Variants in SBF2 observed in about 807,000 individuals in gnomAD.
SBF2 encodes myotubularin-related protein 13.
SBF2 carries 112 observed loss-of-function variants against 225.2 expected under a neutral mutation model. The ratio of observed to expected loss-of-function variants is 0.50; its 90% CI spans 0.43 to 0.58. The LOEUF (loss-of-function observed/expected upper bound fraction) is 0.58. Among genes scored for constraint, SBF2 ranks in the 20% least tolerant of loss-of-function variants. The probability of loss-of-function intolerance (pLI) is 0.00; values close to 1 mark genes in which losing one functional copy is unlikely to be tolerated. For missense variants in SBF2, 1,996 were observed against 2,206.2 expected, an observed-to-expected ratio of 0.90 and a Z score of 1.91; for synonymous variants, 763 against 773.3, an observed-to-expected ratio of 0.99 and a Z score of 0.22.
At chr11:10,096,025 G>A (rs1952004937) in intron 2 of SBF2, among the ~76,000 whole-genome samples, 1 of 152,026 alleles carries the variant, frequency 6.6e-6, no homozygotes, top group African/African-American at 2.4e-5. Context: ...CACAACCAGT[G>A]AACTATTTCA....
intron 17 of SBF2, among the ~76,000 whole-genome samples, chr11:9,886,297 T>A (rs1860294876): frequency 6.6e-6 from 1 of 152,222 alleles, no homozygotes; most frequent in African/African-American, 2.4e-5. Context: ...TTCACATGAT[T>A]CTCCTGTGCT....
intron 16 of SBF2, among the ~76,000 whole-genome samples, chr11:9,942,178 C>G (rs927501192): frequency 4.6e-5 from 7 of 152,154 alleles, no homozygotes; most frequent in Non-Finnish European, 1.0e-4. Flanking sequence ...AGTGATTCTC[C>G]CATCTCAGCC....
chr11:10,066,826 ATCTACAAAGAGTGGAC>A (rs1475307155), intron 2 of SBF2, among the ~76,000 whole-genome samples: 10 of 152,202 alleles, frequency 6.6e-5, no homozygotes, highest in Non-Finnish European at 1.3e-4. Flanking sequence ...ACAGAGAAAA[ATCTACAAAGAGTGGAC>A]TCTACAAAGA....
At chr11:9,953,821 T>G (rs1409533349) in intron 16 of SBF2, among the ~76,000 whole-genome samples, 1 of 152,190 alleles carries the variant, frequency 6.6e-6, no homozygotes, top group Non-Finnish European at 1.5e-5. Flanking sequence ...GTTTGTAATT[T>G]TCTGAGATCT....
chr11:10,223,905 C>G (rs1958442058), intron 1 of SBF2, among the ~76,000 whole-genome samples: 1 of 152,056 alleles, frequency 6.6e-6, no homozygotes, highest in Non-Finnish European at 1.5e-5. Context: ...GAGGCAGCTA[C>G]AAAATTATTA....
rs74782036 is a variant in SBF2, at chr11:10,185,957, A to C, written c.141+7945T>G. Reference sequence around the variant, plus strand: ...TTTGATTCAATCCTTTTCACTCTCAAAAACATTCTGGTTTGAATAAGACAC... The same window carrying C: ...TTTGATTCAATCCTTTTCACTCTCACAAACATTCTGGTTTGAATAAGACAC... On this transcript the variant is annotated intron_variant, in intron 2 of 39. Coordinates refer to ENST00000256190, the MANE Select transcript of SBF2 (RefSeq NM_030962.4). Among the ~76,000 whole-genome samples the C allele has an allele frequency of 7.8e-3, 1,190 of 152,224 alleles. 12 individuals are homozygous for C. The highest frequency in any genetic ancestry group is 0.028 in the African/African-American group (1,143 of 41,518).
At chr11:9,871,461 A>G (rs1564937680) in intron 17 of SBF2, among the ~76,000 whole-genome samples, 3 of 132,632 alleles carry the variant, frequency 2.3e-5, no homozygotes, top group South Asian at 2.5e-4. Context: ...CACACCAGAC[A>G]GGATGACGCT....
chr11:9,921,988 G>A (rs1863667919), intron 16 of SBF2, among the ~76,000 whole-genome samples: 1 of 152,222 alleles, frequency 6.6e-6, no homozygotes, highest in South Asian at 2.1e-4. Flanking sequence ...GTTCATGTCT[G>A]TAATCCTAGT....
intron 2 of SBF2, among the ~76,000 whole-genome samples, chr11:10,137,297 G>A (rs988228971): frequency 1.1e-4 from 16 of 152,102 alleles, no homozygotes; most frequent in Admixed American, 9.2e-4. Flanking sequence ...GTGTTTTTGT[G>A]TACTCTTTGG....
chr11:10,063,856 C>G (rs531093543), intron 2 of SBF2, among the ~76,000 whole-genome samples: 32,784 of 124,468 alleles, frequency 0.26, 4,083 homozygotes, highest in Non-Finnish European at 0.33. Context: ...CACACACACA[C>G]ACAGAGAGAG....
At position 10,272,235 on chromosome 11, in the gene SBF2, C is replaced by T. The variant is rs1345443379; in HGVS notation, c.55+21780G>A. On this transcript the variant is annotated intron_variant, in intron 1 of 39. Coordinates refer to ENST00000256190, the MANE Select transcript of SBF2 (RefSeq NM_030962.4). Reference sequence around the variant, plus strand: ...AGCTGCTCTACCAAGAGCTGCAGGGCGCTCGCGCTAGCCCCGGAGGACATG... The same window carrying T: ...AGCTGCTCTACCAAGAGCTGCAGGGTGCTCGCGCTAGCCCCGGAGGACATG... The T allele has an allele frequency of 1.4e-5, 15 of 1,052,522 alleles. 4 individuals are homozygous for T. In the East Asian group the frequency reaches 1.4e-4, roughly 10 times the overall value. The allele number at this position is 1,052,522 out of a possible 1,614,324, so 65.2% of individuals were successfully genotyped here.
intron 25 of SBF2, among the ~76,000 whole-genome samples, 166 bp from the exon 26 acceptor site, chr11:9,839,862 G>A (rs1272178186): frequency 6.6e-6 from 1 of 152,180 alleles, no homozygotes; most frequent in Admixed American, 6.5e-5. Flanking sequence ...GGTAGTACCT[G>A]TGGGGAGCTC....
At position 9,799,498 on chromosome 11, in the gene SBF2, A is replaced by G. The variant is rs1166467535; in HGVS notation, c.4444-3541T>C. On this transcript the variant is annotated intron_variant, in intron 32 of 39. Transcript: ENST00000256190. ...TCAGGTCTACTGGAAGTGGAAGAGA[A>G]GATGCAGAGCAATTTGTTTTTTACT... is the stretch of plus-strand genomic sequence containing the variant. 3.3e-5 allele frequency among the ~76,000 whole-genome samples: 5 copies of G among 152,244 alleles called. No homozygotes were observed. In the South Asian group the frequency reaches 8.3e-4, roughly 25 times the overall value.
chr11:9,911,085 C>T (rs902432068), intron 16 of SBF2, among the ~76,000 whole-genome samples: 5 of 146,342 alleles, frequency 3.4e-5, no homozygotes, highest in African/African-American at 7.7e-5. Flanking sequence ...AAAAAAAACA[C>T]GACTGGGCAC....
Position 9,839,547 on chromosome 11 carries a change from C to T in SBF2, c.3406G>A (p.Glu1136Lys), listed in dbSNP as rs1294984777. The change falls in exon 26 of 40, where the codon GAG becomes AAG. Residue 1136 changes from glutamate to lysine, a missense_variant. Coordinates refer to ENST00000256190, the MANE Select transcript of SBF2 (RefSeq NM_030962.4). ...TTGGAGGCAGTAATTCTAAAATACT[C>T]GGGTCTTGAACGGGAAGAGCTGCCA... is the stretch of plus-strand genomic sequence containing the variant. ...ISGSSSRSRP[E>K]YFRITASNRM... 9.3e-6 allele frequency: 15 copies of T among 1,614,126 alleles called. No individual in the cohort carries two copies. Among genetic ancestry groups the T allele is most frequent in the Admixed American group, 3.3e-5 (2 of 60,010 alleles).
intron 1 of SBF2, among the ~76,000 whole-genome samples, chr11:10,261,365 A>G (rs1565412220): frequency 6.6e-6 from 1 of 152,104 alleles, no homozygotes; most frequent in Non-Finnish European, 1.5e-5. Context: ...ACCATACCCA[A>G]CTTATTTTTA....
chr11:10,205,021 G>A (rs1043988211), intron 1 of SBF2, among the ~76,000 whole-genome samples: 2 of 151,792 alleles, frequency 1.3e-5, no homozygotes. Context: ...GGAGGTGGGA[G>A]GGGGGAGGCA....
At chr11:9,915,556 T>C (rs1398731184) in intron 16 of SBF2, 2 of 152,000 alleles carry the variant, frequency 1.3e-5, no homozygotes, top group African/African-American at 4.8e-5. Context: ...ATTTGTACAG[T>C]TTACATAGTT....
intron 1 of SBF2, among the ~76,000 whole-genome samples, chr11:10,259,023 T>G (rs1961171768): frequency 6.6e-6 from 1 of 152,216 alleles, no homozygotes; most frequent in African/African-American, 2.4e-5. Flanking sequence ...TTGTAGCTCC[T>G]GGGAACCTAG....
Sources: allele counts gnomAD v4.1 joint callset (sites outside exome capture counted in the v4.1 genomes callset), GRCh38; gene constraint gnomAD v4.1.1; transcripts MANE v1.5; gene names NCBI Gene and HGNC (gene_info 2026-07-23, HGNC 2026-07-21).